The following PLPPR1 variants were observed in gnomAD, a reference collection of about 807,000 sequenced individuals.
PLPPR1 encodes the protein phospholipid phosphatase-related protein type 1.
In PLPPR1, 10 loss-of-function variants were observed where a neutral mutation model predicts 33.1. That is an observed-to-expected ratio of 0.30 (90% CI 0.19 to 0.51). The LOEUF (loss-of-function observed/expected upper bound fraction) is 0.51, where lower values mean the gene tolerates loss of function less well. Among genes scored for constraint, PLPPR1 ranks in the 20% least tolerant of loss-of-function variants. The pLI is 0.97. For synonymous variants in PLPPR1, 151 were observed against 151.0 expected (o/e 1.00, Z 0.00); for missense variants, 304 against 408.1 (o/e 0.74, Z 2.20).
At chr9:101,211,327 T>C (rs1826687814) in intron 2 of PLPPR1, among the ~76,000 whole-genome samples, 1 of 152,192 alleles carries the variant, frequency 6.6e-6, no homozygotes, top group African/African-American at 2.4e-5. Context: ...ATGACCATGA[T>C]GGATCAAGAC....
intron 2 of PLPPR1, among the ~76,000 whole-genome samples, chr9:101,199,883 C>T (rs1335144117): frequency 2.0e-5 from 3 of 152,146 alleles, no homozygotes; most frequent in East Asian, 1.9e-4. Flanking sequence ...CAGAATGGGA[C>T]GAAACTAGAG....
At chr9:101,290,688 A>C (rs963427451) in intron 4 of PLPPR1, among the ~76,000 whole-genome samples, 2 of 152,210 alleles carry the variant, frequency 1.3e-5, no homozygotes, top group Non-Finnish European at 2.9e-5. Flanking sequence ...TTTTAAAAAA[A>C]TGAGGCCATT....
intron 1 of PLPPR1, among the ~76,000 whole-genome samples, chr9:101,059,830 A>T (rs1830322873): frequency 6.6e-6 from 1 of 152,054 alleles, no homozygotes; most frequent in Non-Finnish European, 1.5e-5. Context: ...GCTGGCATGG[A>T]TGTGGAGAAA....
intron 1 of PLPPR1, among the ~76,000 whole-genome samples, chr9:101,043,470 T>C (rs754398580): frequency 2.0e-5 from 3 of 151,730 alleles, no homozygotes; most frequent in Admixed American, 1.3e-4. Context: ...TATGTATGTG[T>C]ATATACATAT....
At chr9:101,256,781 T>G (rs1415792063) in intron 2 of PLPPR1, among the ~76,000 whole-genome samples, 1 of 152,134 alleles carries the variant, frequency 6.6e-6, no homozygotes, top group African/African-American at 2.4e-5. Context: ...GTTCCTATTT[T>G]GTAACCACAA....
In PLPPR1 at chr9:101,095,130, A is replaced by T. The variant is rs758254420; in HGVS notation, c.-46+66028A>T. 7.1e-4 allele frequency among the ~76,000 whole-genome samples: 108 copies of T among 152,216 alleles called. 1 individual carries two copies. The highest frequency in any genetic ancestry group is 1.4e-3 in the Non-Finnish European group (94 of 68,028). ...ATTGTCTGTCCTGGAATGGTCCATT[A>T]GTACCATGTTTTCCAAGCTCAATAG... On this transcript the variant is annotated intron_variant, in intron 1 of 7. Coordinates refer to ENST00000374874, the MANE Select transcript of PLPPR1 (RefSeq NM_207299.2).
At chr9:101,135,916 C>G (rs951533145) in intron 1 of PLPPR1, among the ~76,000 whole-genome samples, 13 of 152,180 alleles carry the variant, frequency 8.5e-5, no homozygotes, top group African/African-American at 3.1e-4. Context: ...CATTAACACA[C>G]CCAAGGTTTA....
At chr9:101,158,278 A>G (rs534010597) in intron 1 of PLPPR1, among the ~76,000 whole-genome samples, 1 of 152,292 alleles carries the variant, frequency 6.6e-6, no homozygotes, top group South Asian at 2.1e-4. Context: ...GGGTAGAGTT[A>G]GGAAGATATC....
intron 1 of PLPPR1, among the ~76,000 whole-genome samples, chr9:101,095,183 C>T (rs10120384): frequency 0.057 from 8,638 of 152,266 alleles, 630 homozygotes; most frequent in East Asian, 0.23. Context: ...TCATGTGCCT[C>T]AGTCAATAGG....
At chr9:101,043,700 G>T (rs1438941265) in intron 1 of PLPPR1, among the ~76,000 whole-genome samples, 1 of 152,034 alleles carries the variant, frequency 6.6e-6, no homozygotes, top group African/African-American at 2.4e-5. Context: ...TCTACTTTTA[G>T]TTCTTTAAGG....
At chr9:101,266,979 T>G (rs1025254606) in intron 2 of PLPPR1, among the ~76,000 whole-genome samples, 3 of 152,174 alleles carry the variant, frequency 2.0e-5, no homozygotes, top group African/African-American at 7.2e-5. Context: ...GAAGCCCCCA[T>G]AGATCTTGCC....
At chr9:101,269,486 T>C (rs1828055893) in intron 2 of PLPPR1, among the ~76,000 whole-genome samples, 1 of 152,194 alleles carries the variant, frequency 6.6e-6, no homozygotes, top group Non-Finnish European at 1.5e-5. Context: ...AAATTGCTCA[T>C]GAACAGTTCT....
At chr9:101,157,205 G>A (rs1831707409) in intron 1 of PLPPR1, among the ~76,000 whole-genome samples, 1 of 152,166 alleles carries the variant, frequency 6.6e-6, no homozygotes, top group Non-Finnish European at 1.5e-5. Context: ...TAATGAAGAT[G>A]GAAAGGAGAG....
At chr9:101,300,857 T>A (rs145449777) in intron 4 of PLPPR1, among the ~76,000 whole-genome samples, 3 of 152,338 alleles carry the variant, frequency 2.0e-5, no homozygotes, top group Non-Finnish European at 4.4e-5. Context: ...TGTTTTCCTC[T>A]GTATTAAGCA....
intron 2 of PLPPR1, among the ~76,000 whole-genome samples, chr9:101,218,358 G>A (rs1826849230): frequency 6.6e-6 from 1 of 152,096 alleles, no homozygotes; most frequent in Non-Finnish European, 1.5e-5. Flanking sequence ...AAACCACAGA[G>A]GAAAGAATCA....
intron 1 of PLPPR1, among the ~76,000 whole-genome samples, chr9:101,152,480 A>G (rs1383655547): frequency 3.3e-5 from 5 of 152,340 alleles, no homozygotes; most frequent in Admixed American, 6.5e-5. Context: ...GCCCATGCCT[A>G]TGTCCTGAAT....
chr9:101,321,793 A>G (rs566487056), intron 7 of PLPPR1, among the ~76,000 whole-genome samples: 1 of 148,210 alleles, frequency 6.7e-6, no homozygotes, highest in African/African-American at 2.4e-5. Context: ...ATATATATTT[A>G]TATACATATA....
At chr9:101,182,144 A>G (rs898386992) in intron 1 of PLPPR1, among the ~76,000 whole-genome samples, 1 of 151,712 alleles carries the variant, frequency 6.6e-6, no homozygotes, top group African/African-American at 2.4e-5. Flanking sequence ...CTAGGAACAG[A>G]AAGACAAATA....
At chr9:101,307,465 T>C (rs898920951) in intron 4 of PLPPR1, among the ~76,000 whole-genome samples, 1 of 151,978 alleles carries the variant, frequency 6.6e-6, no homozygotes, top group African/African-American at 2.4e-5. Flanking sequence ...ATGTAGAAAA[T>C]CTCCAACCAT....
Sources: allele counts gnomAD v4.1 joint callset (sites outside exome capture counted in the v4.1 genomes callset), GRCh38; gene constraint gnomAD v4.1.1; transcripts MANE v1.5; gene names NCBI Gene and HGNC (gene_info 2026-07-23, HGNC 2026-07-21).